Variants in PRKG2 observed in about 807,000 individuals in gnomAD.
PRKG2 encodes the protein protein kinase cGMP-dependent 2.
PRKG2 carries 33 observed loss-of-function variants against 97.2 expected under a neutral mutation model. The observed-to-expected ratio is 0.34, with a 90% CI of 0.26 to 0.45. The LOEUF (loss-of-function observed/expected upper bound fraction) is 0.45. Ranked by LOEUF, PRKG2 falls within the 20% of genes least tolerant of loss-of-function variation. PRKG2 has a pLI of 1.00. For missense variants in PRKG2, 638 were observed against 900.0 expected (o/e 0.71, Z 3.73); for synonymous variants, 330 against 321.8 (o/e 1.03, Z -0.27).
At chr4:81,215,336 G>A (rs1355792827), upstream of PRKG2, among the ~76,000 whole-genome samples, 4 of 152,208 alleles carry the variant, frequency 2.6e-5, no homozygotes, top group Non-Finnish European at 4.4e-5. Flanking sequence ...GGGGTCACCC[G>A]CGCCCGCACG....
intron 14 of PRKG2, among the ~76,000 whole-genome samples, chr4:81,117,819 A>G (rs750345425): frequency 5.3e-5 from 8 of 152,212 alleles, no homozygotes; most frequent in Non-Finnish European, 8.8e-5. Context: ...GTTACAATCA[A>G]GGAACCTATA....
At chr4:81,204,034 G>A (rs1314157567) in intron 2 of PRKG2, among the ~76,000 whole-genome samples, 1 of 152,028 alleles carries the variant, frequency 6.6e-6, no homozygotes, top group Non-Finnish European at 1.5e-5. Context: ...TTGTTTCTGT[G>A]TATACTGTTT....
chr4:81,118,373 T>A (rs1744757320), intron 14 of PRKG2, among the ~76,000 whole-genome samples: 1 of 152,208 alleles, frequency 6.6e-6, no homozygotes, highest in South Asian at 2.1e-4. Flanking sequence ...GATTGTTGGA[T>A]CATATGGTAA....
At position 81,107,293 on chromosome 4, in the gene PRKG2, C is replaced by T. The variant is rs571070106; in HGVS notation, c.1941-1358G>A. ...GGGTTAAGGCTCAAAGTGTGACTTG[C>T]GGAGTCATCAGACAGTATTTATGGC... On this transcript the variant is annotated intron_variant, in intron 15 of 18. Coordinates refer to ENST00000264399, the MANE Select transcript of PRKG2 (RefSeq NM_006259.3). Among the ~76,000 whole-genome samples, 8 of 152,048 alleles carry T rather than the reference C, an allele frequency of 5.3e-5. No homozygotes were observed. In the East Asian group the frequency reaches 5.8e-4, roughly 11 times the overall value.
chr4:81,189,094 A>AAAAAAAAAAAAAT (rs1553930140), intron 2 of PRKG2, among the ~76,000 whole-genome samples: 3 of 110,000 alleles, frequency 2.7e-5, no homozygotes, highest in African/African-American at 5.5e-5. Flanking sequence ...AAAAAAAAAG[A>AAAAAAAAAAAAAT]AGCTAGCAAT....
chr4:81,161,082 T>A (rs942526664), intron 6 of PRKG2, among the ~76,000 whole-genome samples: 6 of 152,212 alleles, frequency 3.9e-5, no homozygotes, highest in Admixed American at 3.3e-4. Context: ...TTATCTGTTG[T>A]TTTTCAATAC....
At chr4:81,134,920 T>C (rs1306083955) in intron 14 of PRKG2, among the ~76,000 whole-genome samples, 3 of 152,176 alleles carry the variant, frequency 2.0e-5, no homozygotes, top group Admixed American at 1.3e-4. Context: ...TTTAAAGGCA[T>C]TCTATTATGT....
At chr4:81,193,567 C>T (rs1023213214) in intron 2 of PRKG2, among the ~76,000 whole-genome samples, 2 of 152,126 alleles carry the variant, frequency 1.3e-5, no homozygotes, top group African/African-American at 4.8e-5. Flanking sequence ...TGGCCAGGCG[C>T]GATGGCTCAC....
chr4:81,097,641 T>C (rs2109952671), intron 17 of PRKG2, among the ~76,000 whole-genome samples: 1 of 152,328 alleles, frequency 6.6e-6, no homozygotes, highest in East Asian at 1.9e-4. Flanking sequence ...CTGTTGTTTA[T>C]GTAGACACTT....
In PRKG2 at chr4:81,089,422, C is replaced by T. The variant is rs575282048; in HGVS notation, c.*286G>A. 12 of 281,282 alleles carry T rather than the reference C, an allele frequency of 4.3e-5. No individual in the cohort carries two copies. Among genetic ancestry groups the T allele is most frequent in the Admixed American group, 3.1e-4 (6 of 19,644 alleles). 17.4% of individuals were successfully genotyped at this position (281,282 alleles called of 1,614,324 possible). ...GAACAATAGATTGCAGAAAAAACTG[C>T]CACTTTAACAAAAATGGCTCTGATT... On this transcript the variant is annotated 3_prime_UTR_variant, in exon 19 of 19. Transcript: ENST00000264399.
chr4:81,162,400 A>T (rs930026929), intron 6 of PRKG2, among the ~76,000 whole-genome samples: 2 of 152,122 alleles, frequency 1.3e-5, no homozygotes, highest in South Asian at 2.1e-4. Context: ...ATTCCACACC[A>T]AGCCCATGCA....
At chr4:81,187,826 C>T (rs946407125) in intron 2 of PRKG2, among the ~76,000 whole-genome samples, 2 of 152,044 alleles carry the variant, frequency 1.3e-5, no homozygotes, top group African/African-American at 2.4e-5. Flanking sequence ...CAATAACAGA[C>T]AAACAGAACT....
intron 17 of PRKG2, among the ~76,000 whole-genome samples, chr4:81,096,139 T>G (rs1003410909): frequency 3.3e-5 from 5 of 152,138 alleles, no homozygotes; most frequent in African/African-American, 1.2e-4. Context: ...TTTCTTAAAA[T>G]AAGACAATGA....
At chr4:81,151,740 T>A (rs1748423719) in intron 8 of PRKG2, among the ~76,000 whole-genome samples, 1 of 152,148 alleles carries the variant, frequency 6.6e-6, no homozygotes, top group Non-Finnish European at 1.5e-5. Context: ...GAACACCAAT[T>A]TCATTTTCAC....
chr4:81,164,715 G>A (rs1262824110), intron 6 of PRKG2, among the ~76,000 whole-genome samples: 5 of 151,954 alleles, frequency 3.3e-5, no homozygotes, highest in African/African-American at 9.7e-5. Context: ...CCTTCTCATC[G>A]GCACCACAGG....
chr4:81,187,768 C>G (rs1490429936), intron 2 of PRKG2, among the ~76,000 whole-genome samples: 2 of 152,194 alleles, frequency 1.3e-5, no homozygotes, highest in African/African-American at 4.8e-5. Flanking sequence ...TTCATCAAAT[C>G]TCAGGATCCT....
At chr4:81,189,937 CA>C (rs1409836352) in intron 2 of PRKG2, among the ~76,000 whole-genome samples, 3 of 152,114 alleles carry the variant, frequency 2.0e-5, no homozygotes, top group Non-Finnish European at 4.4e-5. Flanking sequence ...AGAACACAAA[CA>C]AATGGAAAAA....
At chr4:81,175,072 A>C (rs1437076511) in intron 2 of PRKG2, 113 bp from the exon 3 acceptor site, 2 of 1,050,992 alleles carry the variant, frequency 1.9e-6, no homozygotes, top group East Asian at 5.4e-5. Context: ...ATAACTTTCT[A>C]GCAAGAACAA....
chr4:81,135,233 G>A lies in PRKG2; in HGVS notation c.1698C>T (p.Tyr566=). 2 of 1,612,914 alleles carry A rather than the reference G, an allele frequency of 1.2e-6. No homozygotes were observed. Among genetic ancestry groups the A allele is most frequent in the South Asian group, 1.1e-5 (1 of 90,938 alleles). The change falls in exon 14 of 19, where the codon TAC becomes TAT. Residue 566 remains tyrosine (Y), a synonymous_variant. Transcript: ENST00000264399. ...TGTAGATAATACCTAGTCGATGCAG[G>A]TAATCAAATGCTTCTGTCACACAAG... The part of the protein sequence containing the change: ...CVACVTEAFD[Y]LHRLGIIYRD...
Sources: allele counts gnomAD v4.1 joint callset (sites outside exome capture counted in the v4.1 genomes callset), GRCh38; gene constraint gnomAD v4.1.1; transcripts MANE v1.5; gene names NCBI Gene and HGNC (gene_info 2026-07-23, HGNC 2026-07-21).